Variants in CLN3 observed in about 807,000 individuals in gnomAD.
CLN3 encodes the protein CLN3 lysosomal/endosomal transmembrane protein, battenin, also known as battenin.
Under a neutral mutation model 60.7 loss-of-function variants are expected in CLN3, and 49 were observed. The ratio of observed to expected loss-of-function variants is 0.81; its 90% CI spans 0.64 to 1.02. The LOEUF (loss-of-function observed/expected upper bound fraction) is 1.02. Among genes scored for constraint, CLN3 ranks in the 50% least tolerant of loss-of-function variants. CLN3 has a pLI of 0.00. For missense variants in CLN3, 516 were observed against 557.4 expected (o/e 0.93, Z 0.75); for synonymous variants, 256 against 245.8 (o/e 1.04, Z -0.39).
chr16:28,483,424 GT>G (rs987025958), intron 10 of CLN3, among the ~76,000 whole-genome samples: 6 of 152,010 alleles, frequency 3.9e-5, no homozygotes. Context: ...GTTTTACCAT[GT>G]TGGCCAGACT....
In CLN3 at chr16:28,484,089, G is replaced by A. The variant is rs754906598; in HGVS notation, c.707C>T (p.Ala236Val). 6 of 1,611,950 alleles carry A rather than the reference G, an allele frequency of 3.7e-6. No homozygotes were observed. In the Admixed American group the frequency reaches 5.0e-5, roughly 14 times the overall value. Residue 236 changes from alanine (A) to valine (V), a missense_variant, in exon 10 of 16, where the codon GCC (alanine) becomes GTC (valine). Transcript: ENST00000636147. ...SYFLLLTSPE[A>V]QDPGGEEEAE... ...TTCTTCTTCCCCTCCAGGGTCCTGG[G>A]CCTCAGGAGATGTGAGCAACAAGAA... is the stretch of plus-strand genomic sequence containing the variant.
downstream of CLN3, chr16:28,469,585 A>G (rs2045927593): frequency 4.3e-6 from 1 of 230,794 alleles, no homozygotes; most frequent in African/African-American, 2.4e-5. Context: ...GCAACAAGGG[A>G]GAAACTGTCT....
intron 13 of CLN3, 33 bp from the exon 14 acceptor site, chr16:28,482,231 T>C: frequency 6.2e-7 from 1 of 1,600,394 alleles, no homozygotes; most frequent in East Asian, 2.2e-5. Context: ...GAGAGGAGGC[T>C]CCTCCAGGGA....
downstream of CLN3, among the ~76,000 whole-genome samples, chr16:28,474,842 G>A (rs975052708): frequency 2.0e-5 from 3 of 152,132 alleles, no homozygotes; most frequent in South Asian, 6.2e-4. Context: ...TGGCTCATGG[G>A]TAATAATCCC....
At chr16:28,486,889 T>C (rs1945187661) in intron 7 of CLN3, 2 of 588,774 alleles carry the variant, frequency 3.4e-6, no homozygotes, top group Admixed American at 5.8e-5. Context: ...CCTTGATGTC[T>C]CTGCCCCTTC....
At chr16:28,482,273 G>C (rs767096940) in intron 13 of CLN3, 54 bp downstream of exon 13, 1,120 of 1,606,006 alleles carry the variant, frequency 7.0e-4, no homozygotes, top group Non-Finnish European at 8.9e-4. Flanking sequence ...CTACTGGGCA[G>C]GGCAGCTGCA....
At chr16:28,487,793 C>T (rs756689121) in intron 5 of CLN3, 52 bp from the exon 6 acceptor site, 1 of 1,479,306 alleles carries the variant, frequency 6.8e-7, no homozygotes, top group Non-Finnish European at 9.3e-7. Flanking sequence ...GACAACCCTC[C>T]CAACCACGTG....
intron 4 of CLN3, among the ~76,000 whole-genome samples, chr16:28,489,074 G>GT (rs1284977805): frequency 6.6e-5 from 10 of 152,070 alleles, no homozygotes; most frequent in South Asian, 6.2e-4. Flanking sequence ...GGTAGTTTTT[G>GT]TATTTTTAGT....
downstream of CLN3, among the ~76,000 whole-genome samples, chr16:28,469,971 A>T (rs1162308951): frequency 7.3e-5 from 8 of 110,016 alleles, no homozygotes; most frequent in Non-Finnish European, 1.3e-4. Context: ...GACTCTGTCT[A>T]AAAAAAAAAA....
chr16:28,482,027 G>A, intron 14 of CLN3, 78 bp downstream of exon 14: 1 of 1,067,866 alleles, frequency 9.4e-7, no homozygotes, highest in South Asian at 1.3e-5. Flanking sequence ...CTGATAGTGG[G>A]AAGCAGGGGG....
chr16:28,488,468 C>T (rs907909337), intron 5 of CLN3, 123 bp downstream of exon 5: 2 of 854,634 alleles, frequency 2.3e-6, no homozygotes, highest in Non-Finnish European at 3.8e-6. Flanking sequence ...AGCCAGTGCG[C>T]CCAGCCCAGG....
chr16:28,491,866 T>A (rs1022335501), intron 1 of CLN3, 31 bp from the exon 2 acceptor site: 1 of 1,414,758 alleles, frequency 7.1e-7, no homozygotes, highest in African/African-American at 1.4e-5. Flanking sequence ...CAACGCCCGA[T>A]TGCCGGTCCC....
At chr16:28,475,373 T>G (rs1215755318), downstream of CLN3, 1 of 152,314 alleles carries the variant, frequency 6.6e-6, no homozygotes, top group Non-Finnish European at 1.5e-5. Context: ...AGCTGATGTT[T>G]ATTGAGTGTT....
rs750008067 is a variant in CLN3, at chr16:28,484,054, C to T, written c.742G>A (p.Ala248Thr). 9.9e-6 allele frequency: 16 copies of T among 1,612,546 alleles called. No homozygotes were observed. Among genetic ancestry groups the T allele is most frequent in the Admixed American group, 6.7e-5 (4 of 59,808 alleles). Residue 248 changes from alanine to threonine, a missense_variant, in exon 10 of 16, where the codon GCA (alanine) becomes ACA (threonine). Transcript: ENST00000636147. Reference protein sequence around the residue: ...DPGGEEEAESAARQPLIRTEA... With the variant: ...DPGGEEEAESTARQPLIRTEA... The stretch of plus-strand genomic sequence containing the variant: ...GTTCTTATGAGGGGCTGCCGGGCTG[C>T]GCTCTCTGCTTCTTCTTCCCCTCCA...
At chr16:28,491,658 C>G (rs930323574) in intron 2 of CLN3, 56 bp downstream of exon 2, 1 of 1,614,024 alleles carries the variant, frequency 6.2e-7, no homozygotes, top group Non-Finnish European at 8.5e-7. Flanking sequence ...TCATTCCCCT[C>G]AGGTGGGCTG....
intron 9 of CLN3, among the ~76,000 whole-genome samples, chr16:28,485,339 G>C (rs1383086285): frequency 6.8e-6 from 1 of 147,524 alleles, no homozygotes; most frequent in African/African-American, 2.5e-5. Flanking sequence ...GGCCAAGGCA[G>C]GTGGATCACT....
rs778399559 is a variant in CLN3 at position 28,477,581 on chromosome 16, G to C, written c.1252C>G (p.Leu418Val). The C allele has an allele frequency of 6.2e-7, 1 of 1,614,092 alleles. No homozygotes were observed. Reference sequence around the variant, plus strand: ...AGGAGCCCCGACAGGGAGATCCCCAGTGTGTCAGAGATGCAGGTGGCCGCC... The same window carrying C: ...AGGAGCCCCGACAGGGAGATCCCCACTGTGTCAGAGATGCAGGTGGCCGCC... ...AMAATCISDT[L>V]GISLSGLLAL... Residue 418 changes from leucine (L) to valine (V), a missense_variant, in exon 16 of 16, where the codon CTG (leucine) becomes GTG (valine). Coordinates refer to ENST00000636147, the MANE Select transcript of CLN3 (RefSeq NM_001042432.2).
intron 3 of CLN3, among the ~76,000 whole-genome samples, chr16:28,489,734 G>C (rs998912720): frequency 2.6e-5 from 4 of 151,946 alleles, no homozygotes; most frequent in African/African-American, 7.3e-5. Flanking sequence ...CTGGGTGACA[G>C]AGCAAGACCC....
chr16:28,491,991 G>A, intron 1 of CLN3, 29 bp downstream of exon 1: 1 of 619,002 alleles, frequency 1.6e-6, no homozygotes, highest in Non-Finnish European at 2.9e-6. Flanking sequence ...CCCCCGCCCC[G>A]TCTACAGCAG....
Sources: gnomAD v4.1 joint callset for allele counts (sites outside exome capture counted in the v4.1 genomes callset) on GRCh38, gnomAD v4.1.1 for gene constraint, MANE v1.5 for transcripts, NCBI Gene and HGNC (gene_info 2026-07-23, HGNC 2026-07-21) for gene names.